Variants in NAV2 observed in about 807,000 individuals in gnomAD.
NAV2 encodes helicase, APC down-regulated 1.
Under a neutral mutation model 223.2 loss-of-function variants are expected in NAV2, and 54 were observed. The observed-to-expected ratio is 0.24, with a 90% confidence interval of 0.19 to 0.30. The LOEUF is 0.30. Among genes scored for constraint, NAV2 ranks in the 10% least tolerant of loss-of-function variants. The pLI is 1.00. For missense variants in NAV2, 2,806 were observed against 3,147.5 expected (o/e 0.89, Z 2.60); for synonymous variants, 1,279 against 1,239.3 (o/e 1.03, Z -0.67).
chr11:19,466,092 C>T (rs372682179), intron 1 of NAV2, among the ~76,000 whole-genome samples: 8 of 152,188 alleles, frequency 5.3e-5, no homozygotes, highest in East Asian at 1.9e-4. Flanking sequence ...AGAGTGATGA[C>T]GATGATAATG....
chr11:19,360,274 T>A (rs1358308514), intron 1 of NAV2, among the ~76,000 whole-genome samples: 1 of 152,224 alleles, frequency 6.6e-6, no homozygotes, highest in Non-Finnish European at 1.5e-5. Context: ...TTGATGTATG[T>A]GTCCTTGACC....
At chr11:19,987,191 G>A (rs1300024973) in intron 11 of NAV2, among the ~76,000 whole-genome samples, 2 of 152,162 alleles carry the variant, frequency 1.3e-5, no homozygotes, top group African/African-American at 4.8e-5. Flanking sequence ...GAAAACAAAG[G>A]TAGTATGCAA....
intron 26 of NAV2, among the ~76,000 whole-genome samples, chr11:20,083,619 A>G (rs2060229368): frequency 6.6e-6 from 1 of 152,206 alleles, no homozygotes; most frequent in Admixed American, 6.5e-5. Context: ...GAATTAAAGA[A>G]CTGGAGCACA....
At chr11:20,074,227 A>G (rs1198906265) in intron 22 of NAV2, among the ~76,000 whole-genome samples, 1 of 152,026 alleles carries the variant, frequency 6.6e-6, no homozygotes, top group Non-Finnish European at 1.5e-5. Flanking sequence ...TTCAGTTTCC[A>G]TGTAGTTGTG....
At chr11:19,480,123 C>A (rs1213401712) in intron 1 of NAV2, among the ~76,000 whole-genome samples, 1 of 152,040 alleles carries the variant, frequency 6.6e-6, no homozygotes, top group African/African-American at 2.4e-5. Flanking sequence ...AGAAAAAAAG[C>A]ATTGTCAATT....
chr11:19,713,938 G>A lies in NAV2; in HGVS notation c.243G>A (p.Ser81=), dbSNP rs1168372915. 6 of 1,612,948 alleles carry A rather than the reference G, an allele frequency of 3.7e-6. No homozygotes were observed. Among genetic ancestry groups the A allele is most frequent in the Middle Eastern group, 1.6e-4 (1 of 6,068 alleles). ...GGCTCCCGCTGCGGAAGAGCGGCTC[G>A]GTGGAAAACGGGTTCGATACCCAGG... ...GEGLPLRKSG[S]VENGFDTQIY... is the part of the protein sequence containing the mutation. Residue 81 remains serine, a synonymous_variant, in exon 1 of 38, where the codon TCG becomes TCA. Transcript: ENST00000349880. This position sits in a 1 kb window ranked among gnomAD's most constrained non-coding sequence, Gnocchi z 7.2.
At chr11:19,607,385 C>G (rs1029141950) in intron 1 of NAV2, among the ~76,000 whole-genome samples, 3 of 152,212 alleles carry the variant, frequency 2.0e-5, no homozygotes, top group Non-Finnish European at 2.9e-5. Flanking sequence ...ACCTTGCCAT[C>G]ATGAGCTCTG....
chr11:19,528,616 T>C (rs1355144532), intron 1 of NAV2, among the ~76,000 whole-genome samples: 1 of 152,096 alleles, frequency 6.6e-6, no homozygotes, highest in Non-Finnish European at 1.5e-5. Flanking sequence ...AAAAAGTCTA[T>C]AAAACAGTGG....
At chr11:19,860,147 G>A (rs1304966351) in intron 3 of NAV2, among the ~76,000 whole-genome samples, 2 of 146,426 alleles carry the variant, frequency 1.4e-5, no homozygotes, top group East Asian at 2.1e-4. Context: ...CCTCCCGGAC[G>A]GGGCGGCTGG....
intron 1 of NAV2, among the ~76,000 whole-genome samples, chr11:19,623,283 C>G (rs1040853191): frequency 1.3e-5 from 2 of 152,136 alleles, no homozygotes; most frequent in Admixed American, 1.3e-4. Flanking sequence ...GTGGCATTCT[C>G]TGTATTTCCT....
intron 1 of NAV2, among the ~76,000 whole-genome samples, chr11:19,439,810 A>T (rs1036500753): frequency 7.2e-5 from 11 of 152,250 alleles, no homozygotes; most frequent in African/African-American, 2.7e-4. Context: ...AGAACATGTC[A>T]GAATTCATTT....
intron 11 of NAV2, among the ~76,000 whole-genome samples, chr11:20,023,396 G>A (rs546811805): frequency 6.6e-6 from 1 of 152,218 alleles, no homozygotes; most frequent in South Asian, 2.1e-4. Context: ...GGCATTACCC[G>A]AATGTCCTGG....
intron 1 of NAV2, chr11:19,380,617 T>C (rs1475858304): frequency 6.6e-6 from 1 of 152,270 alleles, no homozygotes; most frequent in Non-Finnish European, 1.5e-5. Context: ...TGAGGCATTA[T>C]GAATCATCCC....
intron 1 of NAV2, among the ~76,000 whole-genome samples, chr11:19,361,441 T>A (rs905327115): frequency 1.3e-5 from 2 of 152,078 alleles, no homozygotes; most frequent in African/African-American, 4.8e-5. Context: ...GGTGTGAGAT[T>A]CATTGACTTC....
At position 20,074,760 on chromosome 11, in the gene NAV2, C is replaced by CCTTTTTTTTTTTTTTTTTTTTTTTT. The variant is rs56895607; in HGVS notation, c.4984-2792_4984-2791insCTTTTTTTTTTTTTTTTTTTTTTTT. 1.5e-3 allele frequency among the ~76,000 whole-genome samples: 167 copies of CCTTTTTTTTTTTTTTTTTTTTTTTT among 110,212 alleles called. 24 individuals are homozygous for CCTTTTTTTTTTTTTTTTTTTTTTTT. The highest frequency in any genetic ancestry group is 2.3e-3 in the African/African-American group (61 of 26,002). 72.3% of individuals were successfully genotyped at this position (110,212 alleles called of 152,430 possible). Reference sequence around the variant, plus strand: ...ATTGGAGACTAGGATTGCAACTCTGCTTTTTTTTTTTTTTTTGCTTTCCAT... The same window carrying CCTTTTTTTTTTTTTTTTTTTTTTTT: ...ATTGGAGACTAGGATTGCAACTCTGCCTTTTTTTTTTTTTTTTTTTTTTTTTTTTTTTTTTTTTTTTGCTTTCCAT... On this transcript the variant is annotated intron_variant, in intron 22 of 37. Transcript: ENST00000349880.
intron 1 of NAV2, among the ~76,000 whole-genome samples, chr11:19,379,785 C>G (rs1163260007): frequency 6.6e-6 from 1 of 152,014 alleles, no homozygotes; most frequent in African/African-American, 2.4e-5. Flanking sequence ...TCCTTTTTTT[C>G]TGTTTTGCTG....
chr11:19,601,110 A>T (rs2135241654), intron 1 of NAV2, among the ~76,000 whole-genome samples: 1 of 152,338 alleles, frequency 6.6e-6, no homozygotes, highest in Non-Finnish European at 1.5e-5. Context: ...CACTGGGCAC[A>T]GTGTCTGGAT....
At chr11:19,725,572 G>A (rs181684116) in intron 1 of NAV2, among the ~76,000 whole-genome samples, 3 of 152,312 alleles carry the variant, frequency 2.0e-5, no homozygotes, top group African/African-American at 4.8e-5. Context: ...CAGGAATCCC[G>A]ACTGCCTGGT....
intron 1 of NAV2, among the ~76,000 whole-genome samples, chr11:19,519,380 T>C (rs2043570583): frequency 6.6e-6 from 1 of 152,210 alleles, no homozygotes; most frequent in Non-Finnish European, 1.5e-5. Flanking sequence ...CTTTATGCCT[T>C]ATTTAATCTT....
Sources: gnomAD v4.1 joint callset for allele counts (sites outside exome capture counted in the v4.1 genomes callset) on GRCh38, gnomAD v4.1.1 for gene constraint, Gnocchi (gnomAD v3.1) non-coding constraint, MANE v1.5 for transcripts, NCBI Gene and HGNC (gene_info 2026-07-23, HGNC 2026-07-21) for gene names.